POU6F2: variants seen among roughly 807,000 people sequenced by gnomAD.
POU6F2 encodes the protein POU class 6 homeobox 2.
In POU6F2, 31 loss-of-function variants were observed where a neutral mutation model predicts 71.3. The ratio of observed to expected loss-of-function variants is 0.43; its 90% CI spans 0.33 to 0.59. The LOEUF (loss-of-function observed/expected upper bound fraction) is 0.59. Ranked by LOEUF, POU6F2 falls within the 20% of genes least tolerant of loss-of-function variation. The pLI, the probability that POU6F2 is intolerant of heterozygous loss-of-function variation, is 0.04. For synonymous variants in POU6F2, 347 were observed against 355.7 expected (o/e 0.98, Z 0.27); for missense variants, 783 against 856.8 (o/e 0.91, Z 1.07).
intron 1 of POU6F2, among the ~76,000 whole-genome samples, chr7:39,039,604 A>G (rs1049643914): frequency 6.6e-6 from 1 of 151,978 alleles, no homozygotes. Context: ...TTGGAACTCT[A>G]TCAATTACTT....
At chr7:39,025,545 T>G (rs1463741872) in intron 1 of POU6F2, among the ~76,000 whole-genome samples, 1 of 152,030 alleles carries the variant, frequency 6.6e-6, no homozygotes, top group Non-Finnish European at 1.5e-5. Context: ...TGGCTAGCCA[T>G]ATGTAGAAAG....
intron 2 of POU6F2, among the ~76,000 whole-genome samples, chr7:39,189,461 T>C (rs531908885): frequency 6.6e-6 from 1 of 152,266 alleles, no homozygotes; most frequent in African/African-American, 2.4e-5. Context: ...TGCAGTTGCA[T>C]AATCTCTGCT....
chr7:39,325,453 C>G (rs1324705300), intron 4 of POU6F2, among the ~76,000 whole-genome samples: 1 of 152,136 alleles, frequency 6.6e-6, no homozygotes, highest in African/African-American at 2.4e-5. Context: ...TAAAGTTCAG[C>G]CTAGATAAGA....
intron 2 of POU6F2, among the ~76,000 whole-genome samples, chr7:39,156,985 T>C (rs777322185): frequency 3.3e-5 from 5 of 152,230 alleles, no homozygotes; most frequent in Non-Finnish European, 7.3e-5. Flanking sequence ...CTTTTGTTTC[T>C]ACTGCAAACA....
intron 4 of POU6F2, among the ~76,000 whole-genome samples, chr7:39,256,123 T>C (rs971994386): frequency 1.4e-5 from 2 of 144,606 alleles, no homozygotes; most frequent in Non-Finnish European, 3.0e-5. Flanking sequence ...ACATTGAGAT[T>C]GTCTGATACA....
Position 39,045,314 on chromosome 7 carries a change from T to C in POU6F2, c.106-40546T>C, listed in dbSNP as rs116589635. On this transcript the variant is annotated intron_variant, in intron 1 of 9. Transcript: ENST00000518318. ...TGCCCCAAAGCATGAGAGCTTCCTA[T>C]ATAAAAGCCTGTGGCTAACCCAGCT... Among the ~76,000 whole-genome samples, 457 of 152,028 alleles carry C rather than the reference T, an allele frequency of 3.0e-3. 4 individuals are homozygous for C. Among genetic ancestry groups the C allele is most frequent in the African/African-American group, 0.011 (439 of 41,520 alleles).
In POU6F2 at chr7:39,066,168, A is replaced by C. The variant is rs867599015; in HGVS notation, c.106-19692A>C. ...TAACTCGAAAGAAAAAAAGAAAACAACTGATAAAATACAACAGCCATTTCT... is the reference window on the plus strand; with the variant it reads ...TAACTCGAAAGAAAAAAAGAAAACACCTGATAAAATACAACAGCCATTTCT... On this transcript the variant is annotated intron_variant, in intron 1 of 9. Coordinates refer to ENST00000518318, the MANE Select transcript of POU6F2 (RefSeq NM_001370959.1). Among the ~76,000 whole-genome samples, 4 of 151,902 alleles carry C rather than the reference A, an allele frequency of 2.6e-5. No homozygotes were observed. The South Asian group carries it at 8.3e-4, about 31-fold the overall frequency.
At chr7:39,163,526 G>C (rs1793040908) in intron 2 of POU6F2, among the ~76,000 whole-genome samples, 2 of 152,164 alleles carry the variant, frequency 1.3e-5, no homozygotes, top group African/African-American at 4.8e-5. Context: ...TTGGCATCCT[G>C]TGGATCTGTC....
At chr7:39,132,696 G>A (rs1584559702) in intron 2 of POU6F2, 2 of 152,334 alleles carry the variant, frequency 1.3e-5, no homozygotes, top group South Asian at 4.1e-4. Flanking sequence ...GACAAAAATA[G>A]AGTTCAGAGT....
chr7:39,138,374 G>C (rs1352855751), intron 2 of POU6F2, among the ~76,000 whole-genome samples: 1 of 152,142 alleles, frequency 6.6e-6, no homozygotes, highest in Non-Finnish European at 1.5e-5. Context: ...TAGCAACCAG[G>C]CCTCACAGCA....
intron 8 of POU6F2, among the ~76,000 whole-genome samples, chr7:39,459,097 T>C (rs1249661854): frequency 6.6e-6 from 1 of 152,196 alleles, no homozygotes; most frequent in Non-Finnish European, 1.5e-5. Context: ...GCTGGAACTG[T>C]TTCTGAGGCT....
chr7:39,345,679 A>G (rs980431160), intron 5 of POU6F2, among the ~76,000 whole-genome samples: 10 of 152,244 alleles, frequency 6.6e-5, no homozygotes, highest in African/African-American at 2.4e-4. Context: ...TCTCAGAGCA[A>G]TCCGAGTTCT....
chr7:39,329,562 C>T (rs1051934683), intron 4 of POU6F2, among the ~76,000 whole-genome samples: 20 of 152,144 alleles, frequency 1.3e-4, no homozygotes, highest in South Asian at 4.1e-4. Context: ...GTTTATGCCC[C>T]GTCCCCAGCT....
chr7:39,416,613 G>A (rs564581220), intron 6 of POU6F2, among the ~76,000 whole-genome samples: 7 of 152,178 alleles, frequency 4.6e-5, no homozygotes, highest in East Asian at 1.9e-4. Context: ...GAGAAATATC[G>A]AATGCTGTAT....
chr7:39,107,662 G>C (rs576255955), intron 2 of POU6F2, among the ~76,000 whole-genome samples: 7 of 152,162 alleles, frequency 4.6e-5, no homozygotes, highest in African/African-American at 1.7e-4. Context: ...GGTAACACAA[G>C]GGATAGTGGA....
At chr7:39,234,932 G>T (rs1443522084) in intron 4 of POU6F2, among the ~76,000 whole-genome samples, 1 of 152,124 alleles carries the variant, frequency 6.6e-6, no homozygotes, top group African/African-American at 2.4e-5. Context: ...TCCTCCCTAG[G>T]CGTGGCTTTC....
intron 2 of POU6F2, among the ~76,000 whole-genome samples, chr7:39,145,449 T>A (rs1275082912): frequency 6.6e-6 from 1 of 152,218 alleles, no homozygotes; most frequent in Non-Finnish European, 1.5e-5. Context: ...AAGTAACTCC[T>A]TGGCACATTT....
intron 6 of POU6F2, among the ~76,000 whole-genome samples, chr7:39,427,915 G>T (rs1788011168): frequency 6.6e-6 from 1 of 152,176 alleles, no homozygotes; most frequent in African/African-American, 2.4e-5. Context: ...TGCTGCTGAT[G>T]ACATGAACCC....
At chr7:39,034,813 C>T (rs956966606) in intron 1 of POU6F2, among the ~76,000 whole-genome samples, 1 of 151,936 alleles carries the variant, frequency 6.6e-6, no homozygotes, top group South Asian at 2.1e-4. Context: ...TCAAGTTTGG[C>T]GCCCTGTTAT....
Sources: gnomAD v4.1 joint callset for allele counts (sites outside exome capture counted in the v4.1 genomes callset) on GRCh38, gnomAD v4.1.1 for gene constraint, MANE v1.5 for transcripts, NCBI Gene and HGNC (gene_info 2026-07-23, HGNC 2026-07-21) for gene names.